The following ZNF609 variants were observed in gnomAD, a reference collection of about 807,000 sequenced individuals.
ZNF609 encodes the protein zinc finger protein 609.
A neutral mutation model predicts 109.5 loss-of-function variants in ZNF609; 11 were observed. That is an observed-to-expected ratio of 0.10 (90% CI 0.06 to 0.17). ZNF609 has a LOEUF of 0.17. Ranked by LOEUF, ZNF609 falls within the 10% of genes least tolerant of loss-of-function variation. ZNF609 has a pLI of 1.00. For synonymous variants in ZNF609, 646 were observed against 662.0 expected, an observed-to-expected ratio of 0.98 and a Z score of 0.37; for missense variants, 1,559 against 1,772.4, an observed-to-expected ratio of 0.88 and a Z score of 2.16.
Position 64,460,650 on chromosome 15 carries a change from C to A in ZNF609, c.-316C>A. The A allele has an allele frequency of 6.7e-6, 1 of 148,412 alleles. No individual in the cohort carries two copies. Among genetic ancestry groups the A allele is most frequent in the Non-Finnish European group, 1.4e-5 (1 of 71,440 alleles). The allele number at this position is 148,412 out of a possible 1,614,324, so 9.2% of individuals were successfully genotyped here. ...CCCGCGGCCCCGGACACAGCGGCAC[C>A]GGCCGGGCGGGGCGGAGAGGCGCGG... On this transcript the variant is annotated 5_prime_UTR_variant, in exon 1 of 10. Coordinates refer to ENST00000326648, the MANE Select transcript of ZNF609 (RefSeq NM_015042.2).
intron 1 of ZNF609, among the ~76,000 whole-genome samples, chr15:64,495,751 C>CT (rs112898156): frequency 0.011 from 1,528 of 136,546 alleles, 9 homozygotes; most frequent in Admixed American, 0.026. Flanking sequence ...TTCCTTGTAT[C>CT]TTTTTTTTTT....
At chr15:64,473,749 G>A (rs940082722) in intron 1 of ZNF609, among the ~76,000 whole-genome samples, 4 of 151,974 alleles carry the variant, frequency 2.6e-5, no homozygotes, top group African/African-American at 9.7e-5. Flanking sequence ...GCGATTACAG[G>A]TGCATTTCAC....
chr15:64,598,242 A>G (rs558753086), intron 2 of ZNF609, among the ~76,000 whole-genome samples: 115 of 152,126 alleles, frequency 7.6e-4, no homozygotes, highest in African/African-American at 2.6e-3. Flanking sequence ...AGCCACCCAA[A>G]TACCTGGGAT....
At chr15:64,538,935 C>T (rs1159785870) in intron 2 of ZNF609, among the ~76,000 whole-genome samples, 1 of 151,488 alleles carries the variant, frequency 6.6e-6, no homozygotes, top group Non-Finnish European at 1.5e-5. Flanking sequence ...CCTGGGCTCA[C>T]GCAATCGTCC....
chr15:64,500,384 G>T (rs1342789354), intron 2 of ZNF609: 5 of 765,234 alleles, frequency 6.5e-6, no homozygotes, highest in Non-Finnish European at 9.0e-6. Context: ...TGTGGAACAG[G>T]ATATTTGTTG....
intron 1 of ZNF609, among the ~76,000 whole-genome samples, chr15:64,461,500 A>C (rs2140324074): frequency 6.6e-6 from 1 of 152,016 alleles, no homozygotes; most frequent in Admixed American, 6.5e-5. Flanking sequence ...TTTATGTGTA[A>C]TTACGGTTGG....
chr15:64,507,439 C>G (rs1261008787), intron 2 of ZNF609, among the ~76,000 whole-genome samples: 1 of 152,186 alleles, frequency 6.6e-6, no homozygotes, highest in African/African-American at 2.4e-5. Flanking sequence ...TTTCACTCTT[C>G]AAGCCATGCT....
chr15:64,586,656 C>T (rs1360357819), intron 2 of ZNF609, among the ~76,000 whole-genome samples: 1 of 152,008 alleles, frequency 6.6e-6, no homozygotes, highest in Non-Finnish European at 1.5e-5. Context: ...CCGCCAACCC[C>T]CCTCTGTCTG....
chr15:64,507,529 C>G (rs111678806), intron 2 of ZNF609, among the ~76,000 whole-genome samples: 2 of 152,178 alleles, frequency 1.3e-5, no homozygotes, highest in African/African-American at 4.8e-5. Context: ...CCTTATCATC[C>G]CCTGACCTGC....
chr15:64,587,017 T>A (rs1895210294), intron 2 of ZNF609, among the ~76,000 whole-genome samples: 2 of 152,236 alleles, frequency 1.3e-5, no homozygotes, highest in Non-Finnish European at 2.9e-5. Context: ...TTGTTATCTC[T>A]GCCTGTTGCT....
intron 3 of ZNF609, among the ~76,000 whole-genome samples, chr15:64,658,320 C>T (rs1226276965): frequency 6.6e-6 from 1 of 152,100 alleles, no homozygotes; most frequent in Non-Finnish European, 1.5e-5. Flanking sequence ...GTCTCAGCCT[C>T]CCGAGTAGCT....
intron 3 of ZNF609, among the ~76,000 whole-genome samples, chr15:64,628,828 T>G (rs1896017089): frequency 6.6e-6 from 1 of 152,076 alleles, no homozygotes; most frequent in Non-Finnish European, 1.5e-5. Context: ...TTTTTCCATT[T>G]CGGTCAGGCT....
At chr15:64,630,356 G>A (rs868740778) in intron 3 of ZNF609, among the ~76,000 whole-genome samples, 3 of 151,910 alleles carry the variant, frequency 2.0e-5, no homozygotes, top group Non-Finnish European at 1.5e-5. Flanking sequence ...ACAGGCATGA[G>A]CCACCATGCC....
intron 2 of ZNF609, among the ~76,000 whole-genome samples, chr15:64,619,097 A>C (rs1895842907): frequency 6.6e-6 from 1 of 152,184 alleles, no homozygotes; most frequent in Admixed American, 6.5e-5. Context: ...CTCCTACCTC[A>C]GCGTCCCAAG....
At chr15:64,463,193 G>A (rs1892966848) in intron 1 of ZNF609, among the ~76,000 whole-genome samples, 1 of 152,030 alleles carries the variant, frequency 6.6e-6, no homozygotes, top group Non-Finnish European at 1.5e-5. Context: ...TCAGGAGTTC[G>A]AGACCAGCTT....
chr15:64,504,863 C>CCTCACTTATGCACTTCTGCCTTGGT (rs1226506932), intron 2 of ZNF609, among the ~76,000 whole-genome samples: 8 of 151,878 alleles, frequency 5.3e-5, no homozygotes, highest in Non-Finnish European at 1.2e-4. Flanking sequence ...TCTGCCTTGG[C>CCTCACTTATGCACTTCTGCCTTGGT]CTCACTTATG....
chr15:64,625,329 G>GC (rs1895935620), intron 3 of ZNF609, among the ~76,000 whole-genome samples: 1 of 151,918 alleles, frequency 6.6e-6, no homozygotes, highest in South Asian at 2.1e-4. Context: ...GACCAGCCTG[G>GC]CCCACATAGT....
At chr15:64,666,546 G>T (rs1005906396) in intron 3 of ZNF609, among the ~76,000 whole-genome samples, 16 of 151,484 alleles carry the variant, frequency 1.1e-4, no homozygotes, top group Admixed American at 2.6e-4. Context: ...CTCTGTCGCC[G>T]AGGCTGGAGT....
chr15:64,606,768 C>A (rs913101640), intron 2 of ZNF609, among the ~76,000 whole-genome samples: 1 of 151,906 alleles, frequency 6.6e-6, no homozygotes, highest in Non-Finnish European at 1.5e-5. Flanking sequence ...TTTGGGAGGC[C>A]GAGGCAGGAG....
Sources: allele counts gnomAD v4.1 joint callset (sites outside exome capture counted in the v4.1 genomes callset), GRCh38; gene constraint gnomAD v4.1.1; transcripts MANE v1.5; gene names NCBI Gene and HGNC (gene_info 2026-07-23, HGNC 2026-07-21).